PRTG: variants seen among roughly 807,000 people sequenced by gnomAD.
The protein encoded by PRTG is protogenin.
PRTG carries 67 observed loss-of-function variants against 122.5 expected under a neutral mutation model. The observed-to-expected ratio is 0.55, with a 90% CI of 0.45 to 0.67. The LOEUF (loss-of-function observed/expected upper bound fraction) is 0.67, where lower values mean the gene tolerates loss of function less well. PRTG is among the 30% of genes least tolerant of loss of function. The pLI is 0.00. For missense variants in PRTG, 1,435 were observed against 1,415.4 expected (o/e 1.01, Z -0.22); for synonymous variants, 554 against 501.1 (o/e 1.11, Z -1.41).
At chr15:55,664,934 C>T (rs2059430242) in intron 11 of PRTG, among the ~76,000 whole-genome samples, 1 of 151,926 alleles carries the variant, frequency 6.6e-6, no homozygotes, top group Admixed American at 6.5e-5. Context: ...AATGTCTTCA[C>T]GAGGAGTTAG....
chr15:55,638,781 ACCT>A (rs1332792192), intron 13 of PRTG, 105 bp from the exon 14 acceptor site: 2 of 911,140 alleles, frequency 2.2e-6, no homozygotes, highest in African/African-American at 3.5e-5. Context: ...ATTTTTCATT[ACCT>A]CCTTATTTTA....
Position 55,673,524 on chromosome 15 carries a change from G to A in PRTG, c.1699C>T (p.Leu567=), listed in dbSNP as rs1452890085. 1 of 1,614,114 alleles carries A rather than the reference G, an allele frequency of 6.2e-7. No homozygotes were observed. The highest frequency in any genetic ancestry group is 1.1e-5 in the South Asian group (1 of 91,074). The change falls in exon 10 of 20, where the codon CTG becomes TTG. Residue 567 remains leucine, a synonymous_variant. Transcript: ENST00000389286. ...TCATGCGTGGTCCCCGGGAGCTCCA[G>A]AACTTGGATTGAATTCTCAGTACTT... ...RLSTENSIQV[L]ELPGTTHEYL...
rs1225165739 is a variant in PRTG, at chr15:55,678,041, T to C, written c.1137A>G (p.Lys379=). The C allele has an allele frequency of 4.5e-6, 7 of 1,565,310 alleles. No individual in the cohort carries two copies. Among genetic ancestry groups the C allele is most frequent in the Admixed American group, 1.7e-5 (1 of 57,266 alleles). ...CAGGAATAATCTGGTTAATTACCAATTTACTAGGGAAAGAAAAAAAATTAT... is the reference window on the plus strand; with the variant it reads ...CAGGAATAATCTGGTTAATTACCAACTTACTAGGGAAAGAAAAAAAATTAT... ...SNGRIKMYNS[K]LVINQIIPED... is the part of the protein sequence containing the mutation. Residue 379 remains lysine, a synonymous_variant, in exon 8 of 20, where the codon AAA becomes AAG. Coordinates refer to ENST00000389286, the MANE Select transcript of PRTG (RefSeq NM_173814.6).
intron 2 of PRTG, among the ~76,000 whole-genome samples, chr15:55,718,084 T>TA (rs2030666760): frequency 6.6e-6 from 1 of 152,156 alleles, no homozygotes; most frequent in Non-Finnish European, 1.5e-5. Context: ...GCCTTTTTTT[T>TA]ACTCTCTTCT....
At position 55,616,665 on chromosome 15, in the gene PRTG, T is replaced by C. The variant is rs2059143107; in HGVS notation, c.*3347A>G. 1 of 152,194 alleles carries C rather than the reference T, an allele frequency of 6.6e-6. No homozygotes were observed. Among genetic ancestry groups the C allele is most frequent in the Non-Finnish European group, 1.5e-5 (1 of 68,010 alleles). 9.4% of individuals were successfully genotyped at this position (152,194 alleles called of 1,614,324 possible). On this transcript the variant is annotated 3_prime_UTR_variant, in exon 20 of 20. Coordinates refer to ENST00000389286, the MANE Select transcript of PRTG (RefSeq NM_173814.6). ...ATAAAAACAAGAAACAACAGTTTAA[T>C]GTACAACTATATTTGCCTATATGCG...
At chr15:55,726,543 A>G (rs2031036472) in intron 2 of PRTG, among the ~76,000 whole-genome samples, 2 of 152,058 alleles carry the variant, frequency 1.3e-5, no homozygotes, top group Admixed American at 1.3e-4. Flanking sequence ...AAGGCAGGAC[A>G]ATTGCTTGAA....
At chr15:55,627,324 A>T (rs2059200471) in intron 16 of PRTG, among the ~76,000 whole-genome samples, 196 bp from the exon 17 acceptor site, 1 of 142,236 alleles carries the variant, frequency 7.0e-6, no homozygotes, top group African/African-American at 2.5e-5. Context: ...TCCAATATTA[A>T]AGTTTTTTTT....
At chr15:55,742,607 C>T in intron 1 of PRTG, 1 of 510,200 alleles carries the variant, frequency 2.0e-6, no homozygotes, top group South Asian at 2.8e-5. Context: ...GGCGTGCGCC[C>T]GGAGAAGCTC....
Position 55,683,891 on chromosome 15 carries a change from G to GAAGTTGGAGTTCC in PRTG, c.437_438insGGAACTCCAACTT (p.His147GlufsTer52). On this transcript the variant is annotated frameshift_variant, in exon 3 of 20. Transcript: ENST00000389286. LOFTEE classifies it high-confidence loss of function. ...CAAATCGAGCAACTCCACCTTCGTG[G>GAAGTTGGAGTTCC]ACCTCAGTGGAAATTGGCTGGACTT... is the stretch of plus-strand genomic sequence containing the variant. The GAAGTTGGAGTTCC allele has an allele frequency of 6.2e-7, 1 of 1,613,756 alleles. No homozygotes were observed. The highest frequency in any genetic ancestry group is 8.5e-7 in the Non-Finnish European group (1 of 1,179,718).
intron 2 of PRTG, among the ~76,000 whole-genome samples, chr15:55,713,765 T>C (rs1246150105): frequency 6.6e-6 from 1 of 152,174 alleles, no homozygotes; most frequent in Non-Finnish European, 1.5e-5. Flanking sequence ...TTCTTTTTCA[T>C]TGATTTGTAT....
chr15:55,653,700 G>A (rs544862309), intron 11 of PRTG, among the ~76,000 whole-genome samples: 2 of 152,274 alleles, frequency 1.3e-5, no homozygotes, highest in African/African-American at 4.8e-5. Flanking sequence ...CTGACCTCAG[G>A]TGATCTGCCC....
At chr15:55,630,035 A>G (rs556515382) in intron 15 of PRTG, among the ~76,000 whole-genome samples, 1 of 141,724 alleles carries the variant, frequency 7.1e-6, no homozygotes, top group African/African-American at 2.7e-5. Context: ...CGCCCAGGCT[A>G]GAGTGCAGCG....
intron 3 of PRTG, among the ~76,000 whole-genome samples, chr15:55,683,482 A>G (rs760323276): frequency 6.6e-6 from 1 of 152,184 alleles, no homozygotes; most frequent in Non-Finnish European, 1.5e-5. Flanking sequence ...CCCAGCAATG[A>G]GAGTGTAATC....
At chr15:55,628,012 GC>G (rs2059205218) in intron 16 of PRTG, among the ~76,000 whole-genome samples, 1 of 152,124 alleles carries the variant, frequency 6.6e-6, no homozygotes, top group Non-Finnish European at 1.5e-5. Flanking sequence ...TATGAGCCTT[GC>G]TTTCCATTTC....
chr15:55,658,908 A>G (rs942189378), intron 11 of PRTG, among the ~76,000 whole-genome samples: 36 of 152,226 alleles, frequency 2.4e-4, no homozygotes, highest in African/African-American at 8.0e-4. Flanking sequence ...TAATGACCCC[A>G]GTTAGATGTA....
intron 11 of PRTG, among the ~76,000 whole-genome samples, chr15:55,665,466 T>C (rs1202740800): frequency 6.6e-6 from 1 of 151,570 alleles, no homozygotes; most frequent in Non-Finnish European, 1.5e-5. Context: ...TAATGTGGCC[T>C]GGTGCTCTTG....
chr15:55,721,255 C>T (rs2030812290), intron 2 of PRTG, among the ~76,000 whole-genome samples: 1 of 152,228 alleles, frequency 6.6e-6, no homozygotes, highest in Non-Finnish European at 1.5e-5. Flanking sequence ...CTGTCCCAGC[C>T]TCCACTCTGC....
chr15:55,651,498 C>T (rs1001876253), intron 11 of PRTG, among the ~76,000 whole-genome samples: 1 of 152,118 alleles, frequency 6.6e-6, no homozygotes, highest in Admixed American at 6.5e-5. Context: ...ACCTTCCCCC[C>T]AATACCATGA....
At chr15:55,661,118 T>A (rs890879739) in intron 11 of PRTG, among the ~76,000 whole-genome samples, 2 of 152,200 alleles carry the variant, frequency 1.3e-5, no homozygotes, top group Non-Finnish European at 2.9e-5. Flanking sequence ...AAAAAAGGTT[T>A]TGTCTTGCTT....
Sources: gnomAD v4.1 joint callset for allele counts (sites outside exome capture counted in the v4.1 genomes callset) on GRCh38, gnomAD v4.1.1 for gene constraint, MANE v1.5 for transcripts, NCBI Gene and HGNC (gene_info 2026-07-23, HGNC 2026-07-21) for gene names.